NAALADL2: variants seen among roughly 807,000 people sequenced by gnomAD.
NAALADL2 encodes N-acetylated alpha-linked acidic dipeptidase like 2.
In NAALADL2, 76 loss-of-function variants were observed where a neutral mutation model predicts 87.2. That is an observed-to-expected ratio of 0.87 (90% CI 0.72 to 1.05). NAALADL2 has a LOEUF of 1.05. NAALADL2 is among the 50% of genes least tolerant of loss of function. NAALADL2 has a pLI of 0.00. For missense variants in NAALADL2, 1,089 were observed against 945.8 expected, an observed-to-expected ratio of 1.15 and a Z score of -1.99; for synonymous variants, 354 against 331.0, an observed-to-expected ratio of 1.07 and a Z score of -0.75.
At chr3:174,727,557 T>A (rs1031284327) in intron 2 of NAALADL2, among the ~76,000 whole-genome samples, 3 of 152,090 alleles carry the variant, frequency 2.0e-5, no homozygotes, top group African/African-American at 7.2e-5. Context: ...TTAAAAAAAA[T>A]TAATACTTTA....
At chr3:175,763,372 C>G (rs1196316141) in intron 13 of NAALADL2, among the ~76,000 whole-genome samples, 1 of 152,066 alleles carries the variant, frequency 6.6e-6, no homozygotes, top group African/African-American at 2.4e-5. Context: ...TTCCTAGATT[C>G]TTTTAGCAAA....
chr3:175,797,965 T>C (rs1408844964), intron 13 of NAALADL2, among the ~76,000 whole-genome samples: 2 of 152,092 alleles, frequency 1.3e-5, no homozygotes, highest in Non-Finnish European at 2.9e-5. Context: ...TGTGATAACA[T>C]GTAAAAACAT....
Position 175,808,024 on chromosome 3 carries a change from C to T in NAALADL2, c.*4821C>T, listed in dbSNP as rs1334380801. ...TTCTAGGTACACTCTAGCATTGTAACTTTTTCCCCCTGAGAAGTAATTTTA... is the reference window on the plus strand; with the variant it reads ...TTCTAGGTACACTCTAGCATTGTAATTTTTTCCCCCTGAGAAGTAATTTTA... On this transcript the variant is annotated 3_prime_UTR_variant, in exon 14 of 14. Coordinates refer to ENST00000454872, the MANE Select transcript of NAALADL2 (RefSeq NM_207015.3). The T allele has an allele frequency of 6.6e-6, 1 of 151,924 alleles. No individual in the cohort carries two copies. The highest frequency in any genetic ancestry group is 1.5e-5 in the Non-Finnish European group (1 of 67,892). The allele number at this position is 151,924 out of a possible 1,614,324, so 9.4% of individuals were successfully genotyped here.
chr3:174,886,071 G>A lies in NAALADL2; in HGVS notation c.43+26621G>A, dbSNP rs551691717. Among the ~76,000 whole-genome samples, 38 of 151,430 alleles carry A rather than the reference G, an allele frequency of 2.5e-4. 1 individual carries two copies. The highest frequency in any genetic ancestry group is 7.9e-4 in the Admixed American group (12 of 15,188). On this transcript the variant is annotated intron_variant, in intron 1 of 13. Coordinates refer to ENST00000454872, the MANE Select transcript of NAALADL2 (RefSeq NM_207015.3). ...TGGGACTACAGGCACCTGCCACCAC[G>A]CCCAGCTAATTTTTTGTATTTTTAG...
chr3:174,544,780 A>C (rs1722583106), intron 1 of NAALADL2, among the ~76,000 whole-genome samples: 1 of 151,824 alleles, frequency 6.6e-6, no homozygotes, highest in Non-Finnish European at 1.5e-5. Flanking sequence ...CGTGTTGGCC[A>C]GGAGAGTCTC....
chr3:175,072,335 A>G (rs1715801133), intron 1 of NAALADL2, among the ~76,000 whole-genome samples: 1 of 151,950 alleles, frequency 6.6e-6, no homozygotes, highest in Non-Finnish European at 1.5e-5. Flanking sequence ...TTTTATTTAG[A>G]TTTAAAGTCA....
intron 10 of NAALADL2, among the ~76,000 whole-genome samples, chr3:175,590,640 A>G (rs1316763103): frequency 6.6e-6 from 1 of 152,188 alleles, no homozygotes; most frequent in East Asian, 1.9e-4. Flanking sequence ...TGTTGAAGCT[A>G]GGAAATAGAA....
At chr3:175,572,268 C>A (rs979805783) in intron 9 of NAALADL2, among the ~76,000 whole-genome samples, 2 of 152,106 alleles carry the variant, frequency 1.3e-5, no homozygotes, top group African/African-American at 4.8e-5. Flanking sequence ...ACTCAACCCT[C>A]TTTTTCTATA....
intron 1 of NAALADL2, among the ~76,000 whole-genome samples, chr3:174,495,111 T>C (rs983644874): frequency 1.3e-5 from 2 of 152,160 alleles, no homozygotes; most frequent in African/African-American, 4.8e-5. Flanking sequence ...AGAAATTTTT[T>C]TAAATAACAG....
intron 1 of NAALADL2, among the ~76,000 whole-genome samples, chr3:174,548,166 A>C (rs142956322): frequency 6.6e-6 from 1 of 152,338 alleles, no homozygotes; most frequent in African/African-American, 2.4e-5. Flanking sequence ...GTAAACATAA[A>C]ATTGGAAACA....
chr3:175,410,575 C>T (rs1713315183), intron 5 of NAALADL2, among the ~76,000 whole-genome samples: 1 of 150,206 alleles, frequency 6.7e-6, no homozygotes, highest in African/African-American at 2.5e-5. Context: ...AACATCCTTG[C>T]TCTTACAGAG....
chr3:175,410,402 T>C (rs1216793815), intron 5 of NAALADL2, among the ~76,000 whole-genome samples: 1 of 152,168 alleles, frequency 6.6e-6, no homozygotes, highest in African/African-American at 2.4e-5. Context: ...AGAGAAGCTC[T>C]GTATGAACAC....
intron 4 of NAALADL2, among the ~76,000 whole-genome samples, chr3:175,282,541 A>C (rs1243268403): frequency 1.3e-5 from 2 of 152,064 alleles, no homozygotes; most frequent in Non-Finnish European, 2.9e-5. Flanking sequence ...TAACTTTGAA[A>C]AAAATGAAAG....
intron 13 of NAALADL2, among the ~76,000 whole-genome samples, chr3:175,756,987 GTATA>G (rs1055831919): frequency 6.6e-6 from 1 of 150,734 alleles, no homozygotes; most frequent in Non-Finnish European, 1.5e-5. Flanking sequence ...ATATATTTGT[GTATA>G]TATATTTTTT....
rs889532731 is a variant in NAALADL2 at position 175,644,835 on chromosome 3, C to T, written c.1896+17449C>T. On this transcript the variant is annotated intron_variant, in intron 11 of 13. Coordinates refer to ENST00000454872, the MANE Select transcript of NAALADL2 (RefSeq NM_207015.3). ...GTTGTCCAGTAAATACTTGCTTGATCCAGTGCTGTTGATTTTTCACATTAC... is the reference window on the plus strand; with the variant it reads ...GTTGTCCAGTAAATACTTGCTTGATTCAGTGCTGTTGATTTTTCACATTAC... Among the ~76,000 whole-genome samples the T allele has an allele frequency of 8.5e-5, 13 of 152,066 alleles. No individual in the cohort carries two copies. In the East Asian group the frequency reaches 2.5e-3, roughly 29 times the overall value.
chr3:174,657,088 G>A (rs75413966), intron 2 of NAALADL2, among the ~76,000 whole-genome samples: 2 of 126,390 alleles, frequency 1.6e-5, no homozygotes, highest in East Asian at 2.2e-4. Context: ...GGAGTTCAAC[G>A]GTGTGATCTT....
intron 1 of NAALADL2, among the ~76,000 whole-genome samples, chr3:175,081,967 G>T (rs1468193992): frequency 2.6e-5 from 4 of 152,108 alleles, no homozygotes; most frequent in Admixed American, 2.6e-4. Context: ...CTAAGTGATT[G>T]AAATTTTTTC....
intron 6 of NAALADL2, among the ~76,000 whole-genome samples, chr3:175,449,964 TATA>T: frequency 6.6e-6 from 1 of 152,366 alleles, no homozygotes; most frequent in East Asian, 1.9e-4. Context: ...CCTTTCATGT[TATA>T]ATGAGTTATT....
chr3:175,135,906 G>T (rs530120690), intron 2 of NAALADL2, among the ~76,000 whole-genome samples: 1 of 152,180 alleles, frequency 6.6e-6, no homozygotes, highest in Non-Finnish European at 1.5e-5. Flanking sequence ...GCCTGGAGAA[G>T]CTCATTATGG....
Sources: allele counts gnomAD v4.1 joint callset (sites outside exome capture counted in the v4.1 genomes callset), GRCh38; gene constraint gnomAD v4.1.1; transcripts MANE v1.5; gene names NCBI Gene and HGNC (gene_info 2026-07-23, HGNC 2026-07-21).